The following SLC36A1 variants were observed in gnomAD, a reference collection of about 807,000 sequenced individuals.
SLC36A1 encodes the protein proton-coupled amino acid transporter 1.
SLC36A1 carries 30 observed loss-of-function variants against 47.5 expected under a neutral mutation model. The ratio of observed to expected loss-of-function variants is 0.63; its 90% CI spans 0.47 to 0.86. The LOEUF (loss-of-function observed/expected upper bound fraction) is 0.86. Among genes scored for constraint, SLC36A1 ranks in the 40% least tolerant of loss-of-function variants. The pLI, the probability that SLC36A1 is intolerant of heterozygous loss-of-function variation, is 0.00. For missense variants in SLC36A1, 517 were observed against 606.0 expected, an observed-to-expected ratio of 0.85 and a Z score of 1.54; for synonymous variants, 255 against 249.7, an observed-to-expected ratio of 1.02 and a Z score of -0.20.
chr5:151,449,779 G>C lies in SLC36A1; in HGVS notation c.-6+1966G>C, dbSNP rs183446951. On this transcript the variant is annotated intron_variant, in intron 1 of 10. Transcript: ENST00000243389. ...CCTGTCACTGGAGGTAATCGTCTCT[G>C]GGCAATTACTTCGGGGATGTTGTAG... Among the ~76,000 whole-genome samples the C allele has an allele frequency of 1.4e-3, 214 of 151,718 alleles. 1 individual carries two copies. Among genetic ancestry groups the C allele is most frequent in the Non-Finnish European group, 2.3e-3 (158 of 68,034 alleles).
At chr5:151,462,141 A>G (rs1755611400) in intron 2 of SLC36A1, among the ~76,000 whole-genome samples, 1 of 152,186 alleles carries the variant, frequency 6.6e-6, no homozygotes, top group Non-Finnish European at 1.5e-5. Context: ...AAAATTAGGA[A>G]AAAAAACCAA....
intron 8 of SLC36A1, among the ~76,000 whole-genome samples, chr5:151,474,402 C>T (rs1016312121): frequency 6.6e-6 from 1 of 152,000 alleles, no homozygotes; most frequent in Non-Finnish European, 1.5e-5. Context: ...GGGGTAAGTC[C>T]TGGCTCTGCC....
chr5:151,483,508 T>TGG (rs1554117405), intron 10 of SLC36A1, among the ~76,000 whole-genome samples: 1 of 135,920 alleles, frequency 7.4e-6, no homozygotes. Flanking sequence ...GCTGGGGTCT[T>TGG]TGTGTGTGTG....
the SLC36A1 span, chr5:151,531,533 G>A: frequency 6.2e-6 from 10 of 1,601,254 alleles, no homozygotes; most frequent in East Asian, 8.9e-5. The surrounding 1 kb of genome is among the most constrained non-coding windows in gnomAD (Gnocchi z 5.7). Context: ...GGAACCCAGC[G>A]CTCCCAGAAA....
the SLC36A1 span, chr5:151,549,293 AC>A: frequency 4.3e-6 from 7 of 1,612,322 alleles, no homozygotes; most frequent in Non-Finnish European, 5.9e-6. Context: ...CAGGCCTCTC[AC>A]CTTTCAGGAG....
At chr5:151,527,371 T>A in the SLC36A1 span, 1 of 1,604,382 alleles carries the variant, frequency 6.2e-7, no homozygotes, top group Non-Finnish European at 8.5e-7. Flanking sequence ...AGGGAATAAC[T>A]AGAGGCCTAT....
At chr5:151,348,541 G>T in the SLC36A1 span, among the ~76,000 whole-genome samples, 1 of 152,198 alleles carries the variant, frequency 6.6e-6, no homozygotes, top group Non-Finnish European at 1.5e-5. Flanking sequence ...TAGCATCCAA[G>T]ACAGATTTGT....
the SLC36A1 span, among the ~76,000 whole-genome samples, chr5:151,368,159 C>A: frequency 6.6e-6 from 1 of 152,156 alleles, no homozygotes. Context: ...CATCCTACAC[C>A]AATAACCTGC....
At chr5:151,549,234 G>C in the SLC36A1 span, 4 of 1,516,586 alleles carry the variant, frequency 2.6e-6, no homozygotes, top group Non-Finnish European at 2.7e-6. Context: ...TGCCTCTAGT[G>C]CTTTCCTTTA....
the SLC36A1 span, among the ~76,000 whole-genome samples, chr5:151,375,247 A>G: frequency 6.6e-6 from 1 of 152,140 alleles, no homozygotes; most frequent in Non-Finnish European, 1.5e-5. Context: ...ATGGTGAGAG[A>G]TAGGGGGTCC....
At chr5:151,351,510 A>G in the SLC36A1 span, among the ~76,000 whole-genome samples, 3,011 of 152,104 alleles carry the variant, frequency 0.02, 62 homozygotes, top group Non-Finnish European at 0.028. Context: ...GCGGATGAGG[A>G]GCGGTCAGTG....
At chr5:151,414,107 T>C in the SLC36A1 span, among the ~76,000 whole-genome samples, 1 of 152,130 alleles carries the variant, frequency 6.6e-6, no homozygotes, top group Non-Finnish European at 1.5e-5. Context: ...AGGCTAGCTA[T>C]AAAGAAGACA....
the SLC36A1 span, among the ~76,000 whole-genome samples, chr5:151,386,795 T>C: frequency 3.9e-5 from 6 of 152,336 alleles, no homozygotes; most frequent in East Asian, 1.2e-3. Flanking sequence ...TCTTTCTCAA[T>C]GTCTGCTTCT....
the SLC36A1 span, chr5:151,528,138 G>A: frequency 1.4e-5 from 23 of 1,613,520 alleles, no homozygotes; most frequent in East Asian, 2.2e-5. Context: ...TGATACCTGC[G>A]GTGGGGTAGG....
At chr5:151,439,017 G>T (rs1480991271) in intron 1 of SLC36A1, among the ~76,000 whole-genome samples, 1 of 152,108 alleles carries the variant, frequency 6.6e-6, no homozygotes, top group Non-Finnish European at 1.5e-5. Flanking sequence ...GAAGAAAGGA[G>T]GTTGAATTGA....
At position 151,488,292 on chromosome 5, in the gene SLC36A1, C is replaced by A; in HGVS notation, c.*38C>A. ...GTCTCTGCAGCTGCCTACCCCTGCC[C>A]CATGTGTCCCCCGTTACCTGTCCTC... is the stretch of plus-strand genomic sequence containing the variant. On this transcript the variant is annotated 3_prime_UTR_variant, in exon 11 of 11. Transcript: ENST00000243389. The A allele has an allele frequency of 6.2e-7, 1 of 1,602,214 alleles. No individual in the cohort carries two copies. The highest frequency in any genetic ancestry group is 8.5e-7 in the Non-Finnish European group (1 of 1,173,212).
the SLC36A1 span, chr5:151,550,934 T>C: frequency 6.7e-7 from 1 of 1,503,352 alleles, no homozygotes; most frequent in Non-Finnish European, 9.1e-7. Flanking sequence ...ACTGGGTCTG[T>C]CTGGACCTCC....
At chr5:151,509,863 A>G in the SLC36A1 span, 6,151 of 793,024 alleles carry the variant, frequency 7.8e-3, 70 homozygotes, top group African/African-American at 0.04. Context: ...CCTGGTGCCA[A>G]AAAGGTTGGG....
chr5:151,492,734 A>G (rs941574168), downstream of SLC36A1, among the ~76,000 whole-genome samples: 5 of 152,232 alleles, frequency 3.3e-5, no homozygotes, highest in Middle Eastern at 3.2e-3. Context: ...TGTTGCTGCG[A>G]AGGTATTTTG....
Sources: gnomAD v4.1 joint callset for allele counts (sites outside exome capture counted in the v4.1 genomes callset) on GRCh38, gnomAD v4.1.1 for gene constraint, Gnocchi (gnomAD v3.1) non-coding constraint, MANE v1.5 for transcripts, NCBI Gene and HGNC (gene_info 2026-07-23, HGNC 2026-07-21) for gene names.